The following ADPRHL1 variants were observed in gnomAD, a reference collection of about 807,000 sequenced individuals.
ADPRHL1 encodes the protein inactive ADP-ribosyltransferase ARH2.
ADPRHL1 carries 43 observed loss-of-function variants against 44.1 expected under a neutral mutation model. That is an observed-to-expected ratio of 0.98 (90% CI 0.76 to 1.26). The LOEUF (loss-of-function observed/expected upper bound fraction) is 1.26, where lower values mean the gene tolerates loss of function less well. Ranked by LOEUF, ADPRHL1 falls within the 50% of genes most tolerant of loss-of-function variation. The probability of loss-of-function intolerance (pLI) is 0.00; values close to 1 mark genes in which losing one functional copy is unlikely to be tolerated. For missense variants in ADPRHL1, 2,022 were observed against 2,496.9 expected (o/e 0.81, Z 4.05); for synonymous variants, 878 against 1,017.4 (o/e 0.86, Z 2.61).
At position 113,400,998 on chromosome 13, in the gene ADPRHL1, A is replaced by C. The variant is rs3751415; in HGVS notation, c.*2380T>G. On this transcript the variant is annotated 3_prime_UTR_variant, in exon 8 of 8. Coordinates refer to ENST00000612156, the MANE Select transcript of ADPRHL1 (RefSeq NM_001394807.1). The stretch of plus-strand genomic sequence containing the variant: ...GCGCAAGTCCCACCACTTCTTATTT[A>C]TAAAGGGAACAGCCAGTGAACATAT... The C allele has an allele frequency of 0.64, 96,741 of 152,188 alleles. 32,213 individuals carry two copies. Among genetic ancestry groups the C allele is most frequent in the African/African-American group, 0.81 (33,571 of 41,508 alleles). The allele number at this position is 152,188 out of a possible 1,614,324, so 9.4% of individuals were successfully genotyped here. A position where few individuals can be genotyped will look rare whatever the true frequency, so the allele number is the denominator to read the frequency against.
At chr13:113,444,812 A>ACG (rs1376791066) in intron 1 of ADPRHL1, among the ~76,000 whole-genome samples, 7 of 152,120 alleles carry the variant, frequency 4.6e-5, no homozygotes, top group African/African-American at 1.7e-4. Context: ...TTTAGTAGAG[A>ACG]CGGGGTTTCA....
Position 113,409,442 on chromosome 13 carries a change from T to A in ADPRHL1, c.1062-1222A>T, listed in dbSNP as rs559705391. On this transcript the variant is annotated intron_variant, in intron 7 of 7. Coordinates refer to ENST00000612156, the MANE Select transcript of ADPRHL1 (RefSeq NM_001394807.1). This position sits in a 1 kb window ranked among gnomAD's most constrained non-coding sequence, Gnocchi z 4.2. ...GAAAAGTCGCCTTCATGGTGCCGTT[T>A]ATAATGTTGAAAAATCTAGAGCATC... 4.1e-6 allele frequency: 4 copies of A among 985,358 alleles called. No individual in the cohort carries two copies. In the African/African-American group the frequency reaches 7.0e-5, roughly 17 times the overall value. The allele number at this position is 985,358 out of a possible 1,614,324, so 61.0% of individuals were successfully genotyped here.
At position 113,453,242 on chromosome 13, in the gene ADPRHL1, C is replaced by T. The variant is rs773581591; in HGVS notation, c.196G>A (p.Ala66Thr). The T allele has an allele frequency of 7.4e-6, 12 of 1,613,966 alleles. No individual in the cohort carries two copies. The highest frequency in any genetic ancestry group is 2.7e-5 in the African/African-American group (2 of 74,886). ...AGCCTACCTGTGGTGAGGGCCTCGG[C>T]GGTTGCGATGTGCATGATGGTGTTG... ...SDNTIMHIAT[A>T]EALTTDYWCL... Residue 66 changes from alanine to threonine, a missense_variant, in exon 1 of 8, where the codon GCC (alanine) becomes ACC (threonine). Ala to Thr is a moderately conservative substitution (Grantham distance 58). Coordinates refer to ENST00000612156, the MANE Select transcript of ADPRHL1 (RefSeq NM_001394807.1). The surrounding 1 kb of genome is among the most constrained non-coding windows in gnomAD (Gnocchi z 5.4).
Position 113,433,790 on chromosome 13 carries a change from T to C in ADPRHL1, c.457A>G (p.Ile153Val), listed in dbSNP as rs369020504. The stretch of plus-strand genomic sequence containing the variant: ...CGGCCGCACTCCACGCTGACCTCGA[T>C]GAGGGTCTCCAGCCGCTCAGGCTTC... ...YWKPERLETL[I>V]EVSVECGRMT... Residue 153 changes from isoleucine to valine, a missense_variant, in exon 3 of 8, where the codon ATC becomes GTC. Physicochemically the swap from Ile to Val is conservative, Grantham distance 29. Transcript: ENST00000612156. 1.4e-5 allele frequency: 22 copies of C among 1,592,464 alleles called. No homozygotes were observed. The highest frequency in any genetic ancestry group is 1.8e-5 in the Non-Finnish European group (21 of 1,170,902).
At chr13:113,444,322 T>C (rs919981533) in intron 2 of ADPRHL1, 103 bp downstream of exon 2, 9 of 1,480,188 alleles carry the variant, frequency 6.1e-6, no homozygotes, top group Admixed American at 2.0e-5. Context: ...CCGGCCTCAC[T>C]GAAGCCACCT....
At position 113,409,608 on chromosome 13, in the gene ADPRHL1, G is replaced by T; in HGVS notation, c.1062-1388C>A. 1.0e-6 allele frequency: 1 copy of T among 985,390 alleles called. No individual in the cohort carries two copies. The allele number at this position is 985,390 out of a possible 1,614,324, so 61.0% of individuals were successfully genotyped here. ...GATTGTTTTTAAGAAGCTGAGGCCG[G>T]GCGCCGTGGCTCACGCCTGTAATCT... is the stretch of plus-strand genomic sequence containing the variant. On this transcript the variant is annotated intron_variant, in intron 7 of 7. Transcript: ENST00000612156. The surrounding 1 kb of genome is among the most constrained non-coding windows in gnomAD (Gnocchi z 4.2).
chr13:113,405,932 G>T lies in ADPRHL1; in HGVS notation c.3350C>A (p.Ala1117Glu). 3 of 1,232,070 alleles carry T rather than the reference G, an allele frequency of 2.4e-6. No homozygotes were observed. The highest frequency in any genetic ancestry group is 3.0e-6 in the Non-Finnish European group (3 of 988,058). The allele number at this position is 1,232,070 out of a possible 1,614,324, so 76.3% of individuals were successfully genotyped here. The change falls in exon 8 of 8, where the codon GCA (alanine) becomes GAA (glutamate). Residue 1117 changes from alanine (A) to glutamate (E), a missense_variant. Ala to Glu is a moderately radical substitution (Grantham distance 107). Transcript: ENST00000612156. ...GMKACGAMAA[A>E]GSVASRATPA... ...CGTGGCGCGGCTCGCAACGCTCCCTGCAGCTGCCATCGCCCCACAGGCTTT... is the reference window on the plus strand; with the variant it reads ...CGTGGCGCGGCTCGCAACGCTCCCTTCAGCTGCCATCGCCCCACAGGCTTT...
At chr13:113,434,882 GGGACC>G (rs2044038046) in intron 2 of ADPRHL1, among the ~76,000 whole-genome samples, 1 of 106,152 alleles carries the variant, frequency 9.4e-6, no homozygotes. Context: ...GGTGTACCCC[GGGACC>G]CAGCACCCAG....
rs752492541 is a variant in ADPRHL1 at position 113,433,724 on chromosome 13, C to T, written c.505+18G>A. The T allele has an allele frequency of 9.5e-6, 15 of 1,573,118 alleles. 1 individual carries two copies. Among genetic ancestry groups the T allele is most frequent in the African/African-American group, 1.4e-5 (1 of 73,064 alleles). On this transcript the variant is annotated intron_variant, in intron 3 of 7. Transcript: ENST00000612156. Reference sequence around the variant, plus strand: ...GCACTCCACGCTGACCTCCCTCCCACCCCCCGCCCACACTTACCTGTGGGA... The same window carrying T: ...GCACTCCACGCTGACCTCCCTCCCATCCCCCGCCCACACTTACCTGTGGGA...
intron 7 of ADPRHL1, chr13:113,410,203 C>A: frequency 4.5e-6 from 4 of 881,934 alleles, no homozygotes; most frequent in Non-Finnish European, 5.4e-6. Flanking sequence ...CCCACCTTCC[C>A]GAGACGCCTC....
intron 7 of ADPRHL1, among the ~76,000 whole-genome samples, chr13:113,415,751 A>C (rs930398236): frequency 6.2e-5 from 4 of 64,568 alleles, no homozygotes; most frequent in African/African-American, 2.6e-4. Flanking sequence ...ACTCCATCTC[A>C]AAAAAAAAAA....
chr13:113,449,366 G>A (rs770337855), intron 1 of ADPRHL1: 12 of 300,840 alleles, frequency 4.0e-5, no homozygotes, highest in African/African-American at 4.7e-5. Flanking sequence ...AGACACACCC[G>A]GAAGGAGGGA....
chr13:113,431,333 G>T (rs1452937308), intron 3 of ADPRHL1, among the ~76,000 whole-genome samples: 1 of 152,248 alleles, frequency 6.6e-6, no homozygotes, highest in Non-Finnish European at 1.5e-5. Flanking sequence ...GCGGAGACAG[G>T]CCGCAGAGAC....
chr13:113,406,977 G>T lies in ADPRHL1; in HGVS notation c.2305C>A (p.Pro769Thr), dbSNP rs1595536216. 3.2e-6 allele frequency: 4 copies of T among 1,232,226 alleles called. No individual in the cohort carries two copies. Among genetic ancestry groups the T allele is most frequent in the East Asian group, 6.3e-5 (2 of 31,714 alleles). The allele number at this position is 1,232,226 out of a possible 1,614,324, so 76.3% of individuals were successfully genotyped here. A position where few individuals can be genotyped will look rare whatever the true frequency, so the allele number is the denominator to read the frequency against. Reference protein sequence around the residue: ...RGARLTWPPGPPGECAGEGPE... With the variant: ...RGARLTWPPGTPGECAGEGPE... ...CCCTCCCCTGCACACTCGCCTGGGG[G>T]CCCAGGAGGCCACGTGAGCCTGGCT... Residue 769 changes from proline (P) to threonine (T), a missense_variant, in exon 8 of 8, where the codon CCC (proline) becomes ACC (threonine). Transcript: ENST00000612156.
chr13:113,424,569 C>T (rs2139619265), intron 5 of ADPRHL1, among the ~76,000 whole-genome samples: 1 of 151,904 alleles, frequency 6.6e-6, no homozygotes, highest in East Asian at 2.0e-4. Flanking sequence ...ATTCTCCTGC[C>T]TCAGCCTCCC....
At chr13:113,424,558 G>A (rs898252239) in intron 5 of ADPRHL1, among the ~76,000 whole-genome samples, 56 of 151,938 alleles carry the variant, frequency 3.7e-4, no homozygotes, top group African/African-American at 9.9e-4. Context: ...GGGTTCAAGC[G>A]ATTCTCCTGC....
At chr13:113,415,579 C>T (rs1450594907) in intron 7 of ADPRHL1, among the ~76,000 whole-genome samples, 1 of 151,978 alleles carries the variant, frequency 6.6e-6, no homozygotes, top group African/African-American at 2.4e-5. Flanking sequence ...GGTGAAACCG[C>T]AACTCTACTA....
intron 7 of ADPRHL1, among the ~76,000 whole-genome samples, chr13:113,418,982 C>CTTTT (rs2043899990): frequency 7.0e-6 from 1 of 143,316 alleles, no homozygotes; most frequent in Non-Finnish European, 1.5e-5. Context: ...TCTTTTCCTT[C>CTTTT]CCTCCCTCCC....
intron 7 of ADPRHL1, among the ~76,000 whole-genome samples, chr13:113,413,541 C>G (rs1216044660): frequency 6.6e-6 from 1 of 152,228 alleles, no homozygotes; most frequent in African/African-American, 2.4e-5. Context: ...GCCCTGTGAT[C>G]GGGGCCTTCA....
Sources: allele counts gnomAD v4.1 joint callset (sites outside exome capture counted in the v4.1 genomes callset), GRCh38; gene constraint gnomAD v4.1.1; non-coding constraint Gnocchi (gnomAD v3.1); transcripts MANE v1.5; gene names NCBI Gene and HGNC (gene_info 2026-07-23, HGNC 2026-07-21).